STIM1: variants seen among roughly 807,000 people sequenced by gnomAD.
The protein encoded by STIM1 is stromal interaction molecule 1.
STIM1 carries 25 observed loss-of-function variants against 74.7 expected under a neutral mutation model. The observed-to-expected ratio is 0.33, with a 90% CI of 0.24 to 0.47. The LOEUF is 0.47. STIM1 is among the 20% of genes least tolerant of loss of function. STIM1 has a pLI of 1.00. For missense variants in STIM1, 728 were observed against 920.8 expected, an observed-to-expected ratio of 0.79 and a Z score of 2.71; for synonymous variants, 328 against 348.8, an observed-to-expected ratio of 0.94 and a Z score of 0.66.
chr11:4,000,405 A>G (rs1323867272), intron 2 of STIM1, among the ~76,000 whole-genome samples: 1 of 152,018 alleles, frequency 6.6e-6, no homozygotes, highest in Non-Finnish European at 1.5e-5. Context: ...AGGAACGATC[A>G]GACAGCAGCA....
At chr11:4,043,143 A>G (rs1323016772) in intron 3 of STIM1, among the ~76,000 whole-genome samples, 2 of 152,158 alleles carry the variant, frequency 1.3e-5, no homozygotes, top group African/African-American at 2.4e-5. Flanking sequence ...TTTTTTTGTA[A>G]TATATCCTAA....
intron 12 of STIM1, among the ~76,000 whole-genome samples, chr11:4,089,768 A>G (rs2094512933): frequency 6.6e-6 from 1 of 151,988 alleles, no homozygotes; most frequent in Admixed American, 6.5e-5. Context: ...CTAACTTCTG[A>G]CCCTCAGCCT....
At position 3,856,085 on chromosome 11, in the gene STIM1, C is replaced by T. The variant is rs201978806; in HGVS notation, c.-186C>T. On this transcript the variant is annotated 5_prime_UTR_variant, in exon 1 of 13. Coordinates refer to ENST00000526596, the MANE Select transcript of STIM1 (RefSeq NM_001382567.1). ...GGACCTGAGGAGCCAGCCCTCCTCCCGCACCCAAACTTGGAGCACTTGACC... is the reference window on the plus strand; with the variant it reads ...GGACCTGAGGAGCCAGCCCTCCTCCTGCACCCAAACTTGGAGCACTTGACC... 1.2e-4 allele frequency: 81 copies of T among 700,892 alleles called. No homozygotes were observed. In the South Asian group the frequency reaches 1.4e-3, roughly 12 times the overall value. The allele number at this position is 700,892 out of a possible 1,614,324, so 43.4% of individuals were successfully genotyped here.
intron 2 of STIM1, among the ~76,000 whole-genome samples, chr11:3,992,259 C>G (rs193051742): frequency 1.6e-3 from 235 of 149,536 alleles, no homozygotes; most frequent in African/African-American, 5.4e-3. Context: ...AAAAAAAACA[C>G]AAAAATTAGC....
intron 2 of STIM1, among the ~76,000 whole-genome samples, chr11:4,010,883 A>AGCCCCCC: frequency 6.6e-6 from 1 of 151,446 alleles, no homozygotes; most frequent in East Asian, 1.9e-4. Context: ...CCCAGCCCCC[A>AGCCCCCC]ACAGGCCCTG....
chr11:4,085,462 A>T (rs1443372777), intron 11 of STIM1, among the ~76,000 whole-genome samples: 1 of 152,252 alleles, frequency 6.6e-6, no homozygotes, highest in Non-Finnish European at 1.5e-5. Context: ...CACTGGGCAT[A>T]GTGGCCATTA....
chr11:4,067,537 A>G (rs933680917), intron 5 of STIM1, among the ~76,000 whole-genome samples: 1 of 152,172 alleles, frequency 6.6e-6, no homozygotes, highest in African/African-American at 2.4e-5. Context: ...CAGAAACAAT[A>G]TTTGCTGCGT....
chr11:3,969,540 A>G (rs1342448031), intron 2 of STIM1, among the ~76,000 whole-genome samples: 1 of 152,194 alleles, frequency 6.6e-6, no homozygotes, highest in Non-Finnish European at 1.5e-5. Context: ...AACAGAGGGG[A>G]TTTGTCTGTA....
chr11:4,091,234 C>T (rs1348827319), intron 12 of STIM1, 48 bp from the exon 13 acceptor site: 1 of 1,612,732 alleles, frequency 6.2e-7, no homozygotes, highest in East Asian at 2.2e-5. Flanking sequence ...CCCCTATCAC[C>T]TCATCCAATA....
chr11:3,945,592 C>G (rs2093062944), intron 1 of STIM1, among the ~76,000 whole-genome samples: 3 of 152,050 alleles, frequency 2.0e-5, no homozygotes, highest in Non-Finnish European at 4.4e-5. Flanking sequence ...CAGTAAGACT[C>G]TGTCTCAAAA....
At chr11:4,043,993 G>A (rs1285667250) in intron 3 of STIM1, among the ~76,000 whole-genome samples, 9 of 151,980 alleles carry the variant, frequency 5.9e-5, no homozygotes, top group Admixed American at 3.3e-4. Context: ...CCAGCCTAGC[G>A]ACATAGTAGA....
intron 1 of STIM1, among the ~76,000 whole-genome samples, chr11:3,901,926 C>A (rs2092359684): frequency 6.6e-6 from 1 of 152,154 alleles, no homozygotes; most frequent in Admixed American, 6.5e-5. Context: ...TGCCACGATG[C>A]CCAGCTAATT....
At chr11:3,952,531 A>C (rs2093162165) in intron 1 of STIM1, among the ~76,000 whole-genome samples, 1 of 152,238 alleles carries the variant, frequency 6.6e-6, no homozygotes, top group South Asian at 2.1e-4. Context: ...TAAGAACATT[A>C]ATCCTTAGGA....
At chr11:4,063,586 T>A (rs1201534305) in intron 5 of STIM1, among the ~76,000 whole-genome samples, 1 of 152,226 alleles carries the variant, frequency 6.6e-6, no homozygotes, top group Non-Finnish European at 1.5e-5. Context: ...AACTAAAAAA[T>A]TTTTGTGACT....
At chr11:3,916,952 G>T (rs1015368358) in intron 1 of STIM1, among the ~76,000 whole-genome samples, 3 of 152,182 alleles carry the variant, frequency 2.0e-5, no homozygotes, top group African/African-American at 7.2e-5. Context: ...ATGTTTTAGT[G>T]GCTGTTGGCT....
At chr11:4,028,238 C>G (rs570779684) in intron 3 of STIM1, among the ~76,000 whole-genome samples, 4 of 151,938 alleles carry the variant, frequency 2.6e-5, no homozygotes, top group Non-Finnish European at 5.9e-5. Context: ...TGCACCATCA[C>G]GTCCAGCTAA....
At chr11:3,887,425 A>G (rs755919934) in intron 1 of STIM1, among the ~76,000 whole-genome samples, 6 of 152,180 alleles carry the variant, frequency 3.9e-5, no homozygotes, top group Admixed American at 6.5e-5. Flanking sequence ...TGAACCTGGA[A>G]ACAATGGACT....
Position 4,002,966 on chromosome 11 carries a change from G to A in STIM1, c.271-20907G>A, listed in dbSNP as rs963305850. Among the ~76,000 whole-genome samples, 168 of 145,828 alleles carry A rather than the reference G, an allele frequency of 1.2e-3. 1 individual carries two copies. Among genetic ancestry groups the A allele is most frequent in the African/African-American group, 3.9e-3 (159 of 40,714 alleles). On this transcript the variant is annotated intron_variant, in intron 2 of 12. Transcript: ENST00000526596. ...CAGAGAATACTACAAACACCTCTATGCAAATATACTAGAAAATCTAGAAGA... is the reference window on the plus strand; with the variant it reads ...CAGAGAATACTACAAACACCTCTATACAAATATACTAGAAAATCTAGAAGA...
chr11:3,979,731 C>T (rs1378393955), intron 2 of STIM1, among the ~76,000 whole-genome samples: 2 of 152,218 alleles, frequency 1.3e-5, no homozygotes, highest in East Asian at 1.9e-4. Flanking sequence ...AGAGCCACTG[C>T]ACCTTGGCTA....
Sources: gnomAD v4.1 joint callset for allele counts (sites outside exome capture counted in the v4.1 genomes callset) on GRCh38, gnomAD v4.1.1 for gene constraint, MANE v1.5 for transcripts, NCBI Gene and HGNC (gene_info 2026-07-23, HGNC 2026-07-21) for gene names.